Variants in CASQ2 observed in about 807,000 individuals in gnomAD.
CASQ2 encodes the protein calsequestrin 2.
In CASQ2, 49 loss-of-function variants were observed where a neutral mutation model predicts 46.5. That is an observed-to-expected ratio of 1.05 (90% CI 0.84 to 1.34). CASQ2 has a LOEUF of 1.34. Among genes scored for constraint, CASQ2 ranks in the 40% most tolerant of loss-of-function variants. CASQ2 has a pLI of 0.00. For missense variants in CASQ2, 486 were observed against 481.3 expected (o/e 1.01, Z -0.09); for synonymous variants, 174 against 168.5 (o/e 1.03, Z -0.25).
Position 115,756,451 on chromosome 1 carries a change from T to A in CASQ2, c.235-11539A>T, listed in dbSNP as rs1043110920. Among the ~76,000 whole-genome samples, 6 of 152,210 alleles carry A rather than the reference T, an allele frequency of 3.9e-5. No individual in the cohort carries two copies. The South Asian group carries it at 6.2e-4, about 16-fold the overall frequency. On this transcript the variant is annotated intron_variant, in intron 1 of 10. Transcript: ENST00000261448. ...TTTTGAATGAGCACTAAAGCTAAGC[T>A]GACAATTATGCAAAAATACTCTGCA...
intron 6 of CASQ2, 21 bp downstream of exon 6, chr1:115,726,971 C>A (rs769134169): frequency 1.9e-6 from 3 of 1,584,736 alleles, no homozygotes; most frequent in South Asian, 1.1e-5. Context: ...GCCCCCAGCC[C>A]CCACATGCCA....
intron 1 of CASQ2, among the ~76,000 whole-genome samples, chr1:115,750,598 T>TTGATTG (rs1648547905): frequency 2.6e-5 from 4 of 152,154 alleles, no homozygotes; most frequent in Non-Finnish European, 5.9e-5. Context: ...AGCCTTGACC[T>TTGATTG]CCCAGGTTCA....
At chr1:115,761,702 CT>C (rs1648968748) in intron 1 of CASQ2, among the ~76,000 whole-genome samples, 1 of 151,710 alleles carries the variant, frequency 6.6e-6, no homozygotes, top group African/African-American at 2.4e-5. Context: ...CTCTGGCAGA[CT>C]GAAAGCAGAA....
At chr1:115,767,511 A>G (rs1419213196) in intron 1 of CASQ2, among the ~76,000 whole-genome samples, 1 of 152,196 alleles carries the variant, frequency 6.6e-6, no homozygotes, top group Non-Finnish European at 1.5e-5. Flanking sequence ...GTGGAGACTG[A>G]TGAGGCATCT....
intron 2 of CASQ2, among the ~76,000 whole-genome samples, chr1:115,744,383 G>C (rs1165176125): frequency 6.6e-6 from 1 of 152,104 alleles, no homozygotes; most frequent in Non-Finnish European, 1.5e-5. Flanking sequence ...AAAAAGCACT[G>C]TTACCCTGGA....
intron 1 of CASQ2, among the ~76,000 whole-genome samples, chr1:115,763,402 C>T (rs1466514468): frequency 6.6e-6 from 1 of 152,102 alleles, no homozygotes; most frequent in Non-Finnish European, 1.5e-5. Flanking sequence ...TGGCAACTCA[C>T]TCCTCCTCTC....
intron 1 of CASQ2, among the ~76,000 whole-genome samples, chr1:115,746,219 T>A (rs1176776117): frequency 6.6e-6 from 1 of 152,114 alleles, no homozygotes; most frequent in Non-Finnish European, 1.5e-5. Context: ...GTTTGTTTAA[T>A]CATTCACTCA....
intron 1 of CASQ2, among the ~76,000 whole-genome samples, chr1:115,758,054 G>C (rs918158381): frequency 6.6e-6 from 1 of 152,164 alleles, no homozygotes; most frequent in Non-Finnish European, 1.5e-5. Flanking sequence ...TGAAAATCCA[G>C]AGTACAAACT....
At position 115,705,249 on chromosome 1, in the gene CASQ2, G is replaced by A; in HGVS notation, c.882C>T (p.Asp294=). 6.2e-7 allele frequency: 1 copy of A among 1,614,080 alleles called. No individual in the cohort carries two copies. ...TGCTCAGATCGGGGTTGTCAGTATT[G>A]TCCCGGGCAACCTGTTTCAGGATCT... ...FLEILKQVAR[D]NTDNPDLSIL... Residue 294 remains aspartate (D), a synonymous_variant, in exon 9 of 11, where the codon GAC becomes GAT. Transcript: ENST00000261448.
chr1:115,717,436 A>G (rs1012991422), intron 8 of CASQ2, among the ~76,000 whole-genome samples: 9 of 152,284 alleles, frequency 5.9e-5, no homozygotes, highest in African/African-American at 1.9e-4. Flanking sequence ...CCAATTTTCC[A>G]GGCCCTCACC....
chr1:115,742,397 T>C (rs1352038774), intron 2 of CASQ2, among the ~76,000 whole-genome samples: 2 of 152,046 alleles, frequency 1.3e-5, no homozygotes, highest in Non-Finnish European at 2.9e-5. Flanking sequence ...ACTACTGCAA[T>C]TGTTGAGGCA....
At chr1:115,745,485 G>A (rs758592567) in intron 1 of CASQ2, among the ~76,000 whole-genome samples, 5 of 152,024 alleles carry the variant, frequency 3.3e-5, no homozygotes, top group South Asian at 2.1e-4. Flanking sequence ...TCAGGGGTTC[G>A]GCTCCAAAGG....
At chr1:115,728,204 C>G (rs1647660259) in intron 5 of CASQ2, among the ~76,000 whole-genome samples, 1 of 152,134 alleles carries the variant, frequency 6.6e-6, no homozygotes, top group Non-Finnish European at 1.5e-5. Context: ...TGCATAAGCT[C>G]TTACACAAGG....
intron 8 of CASQ2, among the ~76,000 whole-genome samples, chr1:115,707,760 G>A (rs1654407310): frequency 6.6e-6 from 1 of 152,180 alleles, no homozygotes. Context: ...TAATCAATGA[G>A]GTGACACTGC....
chr1:115,746,397 A>G (rs1648391199), intron 1 of CASQ2, among the ~76,000 whole-genome samples: 1 of 152,222 alleles, frequency 6.6e-6, no homozygotes, highest in Non-Finnish European at 1.5e-5. Context: ...GTTTTTAAAG[A>G]AGCTGCCAAA....
intron 7 of CASQ2, among the ~76,000 whole-genome samples, chr1:115,719,964 A>T (rs1266378960): frequency 1.3e-5 from 2 of 152,190 alleles, no homozygotes; most frequent in South Asian, 2.1e-4. Flanking sequence ...AGTGGCAACA[A>T]TATCTGCTAT....
At chr1:115,705,147 G>T (rs750160388) in intron 9 of CASQ2, 45 bp downstream of exon 9, 9 of 1,200,756 alleles carry the variant, frequency 7.5e-6, no homozygotes, top group Non-Finnish European at 1.1e-5. Context: ...CAATCATGAG[G>T]TTGTGACAGC....
At position 115,756,883 on chromosome 1, in the gene CASQ2, G is replaced by T. The variant is rs1047105930; in HGVS notation, c.234+11425C>A. 7.2e-5 allele frequency among the ~76,000 whole-genome samples: 11 copies of T among 152,146 alleles called. No homozygotes were observed. In the East Asian group the frequency reaches 1.9e-3, roughly 27 times the overall value. On this transcript the variant is annotated intron_variant, in intron 1 of 10. Coordinates refer to ENST00000261448, the MANE Select transcript of CASQ2 (RefSeq NM_001232.4). Reference sequence around the variant, plus strand: ...AATCGCTTGAACCCGGGAGGCAGAGGTTGCAGTGAGCCAAGATTGTGCCAC... The same window carrying T: ...AATCGCTTGAACCCGGGAGGCAGAGTTTGCAGTGAGCCAAGATTGTGCCAC...
Position 115,703,147 on chromosome 1 carries a change from G to T in CASQ2, c.940-152C>A, listed in dbSNP as rs1296443634. The T allele has an allele frequency of 1.0e-5, 7 of 691,816 alleles. No homozygotes were observed. In the Admixed American group the frequency reaches 1.2e-4, roughly 12 times the overall value. 42.9% of individuals were successfully genotyped at this position (691,816 alleles called of 1,614,324 possible). The stretch of plus-strand genomic sequence containing the variant: ...TTAGCAAATTGAAGACTTGGCCCCA[G>T]CCTTCAAGCACTTCAAATAAGCATT... On this transcript the variant is annotated intron_variant, in intron 9 of 10. Coordinates refer to ENST00000261448, the MANE Select transcript of CASQ2 (RefSeq NM_001232.4).
Sources: gnomAD v4.1 joint callset for allele counts (sites outside exome capture counted in the v4.1 genomes callset) on GRCh38, gnomAD v4.1.1 for gene constraint, MANE v1.5 for transcripts, NCBI Gene and HGNC (gene_info 2026-07-23, HGNC 2026-07-21) for gene names.